DOCK1: variants seen among roughly 807,000 people sequenced by gnomAD.
DOCK1 encodes dedicator of cytokinesis protein 1.
Under a neutral mutation model 262.7 loss-of-function variants are expected in DOCK1, and 138 were observed. That is an observed-to-expected ratio of 0.53 (90% CI 0.46 to 0.61). The LOEUF (loss-of-function observed/expected upper bound fraction) is 0.61. Among genes scored for constraint, DOCK1 ranks in the 20% least tolerant of loss-of-function variants. DOCK1 has a pLI of 0.00. For synonymous variants in DOCK1, 866 were observed against 867.4 expected (o/e 1.00, Z 0.03); for missense variants, 1,908 against 2,370.7 (o/e 0.80, Z 4.05).
At chr10:126,914,849 C>T (rs2032274520) in intron 1 of DOCK1, among the ~76,000 whole-genome samples, 1 of 152,206 alleles carries the variant, frequency 6.6e-6, no homozygotes, top group Non-Finnish European at 1.5e-5. Flanking sequence ...TGAGCAGGGG[C>T]TCTGCTCTGC....
intron 29 of DOCK1, among the ~76,000 whole-genome samples, chr10:127,306,899 A>G (rs1217427790): frequency 6.6e-6 from 1 of 152,228 alleles, no homozygotes; most frequent in Non-Finnish European, 1.5e-5. Context: ...TAAGAAAAAT[A>G]CTTACATGTA....
intron 29 of DOCK1, among the ~76,000 whole-genome samples, chr10:127,261,338 C>T (rs1219403953): frequency 1.6e-3 from 55 of 34,852 alleles, no homozygotes; most frequent in East Asian, 3.6e-3. Context: ...TGTGGGTGTG[C>T]GTGTGTGTAC....
At chr10:127,272,620 G>A (rs557668580) in intron 29 of DOCK1, among the ~76,000 whole-genome samples, 85 of 152,308 alleles carry the variant, frequency 5.6e-4, no homozygotes, top group African/African-American at 1.9e-3. Flanking sequence ...TGTTGCCTCA[G>A]TGATATTGCT....
At chr10:127,415,305 T>C (rs1290529472) in intron 44 of DOCK1, 67 bp downstream of exon 44, 41 of 1,497,102 alleles carry the variant, frequency 2.7e-5, no homozygotes, top group East Asian at 1.2e-4. Context: ...CCACGCCTTC[T>C]TCACCTGCTC....
At chr10:127,297,643 T>C (rs1222559638) in intron 29 of DOCK1, among the ~76,000 whole-genome samples, 1 of 152,232 alleles carries the variant, frequency 6.6e-6, no homozygotes, top group Non-Finnish European at 1.5e-5. Context: ...AATCATGCTA[T>C]ACCTTCTTCC....
Position 127,176,154 on chromosome 10 carries a change from C to T in DOCK1, c.2847+48390C>T, listed in dbSNP as rs762876030. 5 of 1,614,132 alleles carry T rather than the reference C, an allele frequency of 3.1e-6. No homozygotes were observed. In the Admixed American group the frequency reaches 5.0e-5, roughly 16 times the overall value. On this transcript the variant is annotated intron_variant, in intron 27 of 51. Transcript: ENST00000623213. The surrounding 1 kb of genome is among the most constrained non-coding windows in gnomAD (Gnocchi z 4.4). ...TGTCATGTATTTGCGGTAGGCTGCTCTGCAGGACACGGGCTTGGCCTCCCG... is the reference window on the plus strand; with the variant it reads ...TGTCATGTATTTGCGGTAGGCTGCTTTGCAGGACACGGGCTTGGCCTCCCG...
At chr10:127,266,498 CA>C (rs2060362054) in intron 29 of DOCK1, among the ~76,000 whole-genome samples, 1 of 151,962 alleles carries the variant, frequency 6.6e-6, no homozygotes, top group South Asian at 2.1e-4. Flanking sequence ...CACACACACA[CA>C]CACACACATA....
At chr10:127,002,060 T>G (rs2040634467) in intron 10 of DOCK1, among the ~76,000 whole-genome samples, 1 of 152,236 alleles carries the variant, frequency 6.6e-6, no homozygotes, top group African/African-American at 2.4e-5. Flanking sequence ...AAATTGCCCC[T>G]CTATTTGTCA....
chr10:127,283,709 C>T (rs185787412), intron 29 of DOCK1, among the ~76,000 whole-genome samples: 2 of 152,322 alleles, frequency 1.3e-5, no homozygotes, highest in East Asian at 3.9e-4. Context: ...CCAGCATTTT[C>T]ATTGCCAACT....
intron 21 of DOCK1, among the ~76,000 whole-genome samples, chr10:127,043,958 A>G (rs377217324): frequency 3.7e-4 from 57 of 152,266 alleles, no homozygotes; most frequent in African/African-American, 1.3e-3. Context: ...CTTAGAAAGC[A>G]CTAAGCAATT....
chr10:127,361,945 T>C, intron 32 of DOCK1, 119 bp from the exon 33 acceptor site: 1 of 1,190,492 alleles, frequency 8.4e-7, no homozygotes, highest in East Asian at 2.6e-5. Context: ...TGGATGCACA[T>C]TTTCGGGATC....
rs1420364529 is a variant in DOCK1, at chr10:127,036,164, A to G, written c.1913-1555A>G. Among the ~76,000 whole-genome samples the G allele has an allele frequency of 3.3e-5, 5 of 152,300 alleles. No homozygotes were observed. In the East Asian group the frequency reaches 9.7e-4, roughly 29 times the overall value. On this transcript the variant is annotated intron_variant, in intron 18 of 51. Transcript: ENST00000623213. ...GTCATGTCAGTTAATTCTTACAACC[A>G]CCTTGTGAATCAGGCAACACTGTAC...
chr10:127,378,275 G>T (rs569204203), intron 35 of DOCK1, among the ~76,000 whole-genome samples: 91 of 152,296 alleles, frequency 6.0e-4, no homozygotes, highest in African/African-American at 2.1e-3. Flanking sequence ...GTCCAAAATG[G>T]AAATATAATG....
intron 27 of DOCK1, among the ~76,000 whole-genome samples, chr10:127,222,949 T>A (rs1032814826): frequency 6.6e-6 from 1 of 152,150 alleles, no homozygotes; most frequent in African/African-American, 2.4e-5. Flanking sequence ...AATTCTGAGA[T>A]TATAGGTGTG....
chr10:127,378,184 ACTTCT>A (rs80245914), intron 35 of DOCK1, among the ~76,000 whole-genome samples: 38,482 of 151,960 alleles, frequency 0.25, 5,205 homozygotes, highest in East Asian at 0.43. Flanking sequence ...CATGCCAGTT[ACTTCT>A]CTTCATAGCC....
At chr10:127,081,993 A>G (rs1231540522) in intron 23 of DOCK1, among the ~76,000 whole-genome samples, 1 of 152,154 alleles carries the variant, frequency 6.6e-6, no homozygotes, top group Non-Finnish European at 1.5e-5. Flanking sequence ...CTGACCTCAA[A>G]GAGGGTGAAC....
intron 29 of DOCK1, among the ~76,000 whole-genome samples, chr10:127,272,721 C>A (rs957905661): frequency 2.0e-5 from 3 of 152,126 alleles, no homozygotes; most frequent in Non-Finnish European, 2.9e-5. Context: ...TGAGACTGGG[C>A]AATTTACAAA....
chr10:126,996,353 A>G (rs994932180), intron 6 of DOCK1, among the ~76,000 whole-genome samples: 1 of 137,152 alleles, frequency 7.3e-6, no homozygotes, highest in African/African-American at 2.7e-5. Flanking sequence ...GCACTCCAGT[A>G]TGGGCAACAA....
At chr10:127,444,085 T>A (rs977315272) in intron 49 of DOCK1, 41 bp from the exon 50 acceptor site, 2 of 1,549,904 alleles carry the variant, frequency 1.3e-6, no homozygotes, top group African/African-American at 2.7e-5. Context: ...ACTCAGCCCA[T>A]AACAGACCGT....
Sources: allele counts gnomAD v4.1 joint callset (sites outside exome capture counted in the v4.1 genomes callset), GRCh38; gene constraint gnomAD v4.1.1; non-coding constraint Gnocchi (gnomAD v3.1); transcripts MANE v1.5; gene names NCBI Gene and HGNC (gene_info 2026-07-23, HGNC 2026-07-21).